Variants in VMP1 observed in about 807,000 individuals in gnomAD.
The protein encoded by VMP1 is vacuole membrane protein 1.
In VMP1, 11 loss-of-function variants were observed where a neutral mutation model predicts 56.0. The ratio of observed to expected loss-of-function variants is 0.20; its 90% confidence interval spans 0.12 to 0.32. The LOEUF is 0.32. Among genes scored for constraint, VMP1 ranks in the 10% least tolerant of loss-of-function variants. The pLI is 1.00. For missense variants in VMP1, 296 were observed against 490.3 expected, an observed-to-expected ratio of 0.60 and a Z score of 3.74; for synonymous variants, 149 against 165.0, an observed-to-expected ratio of 0.90 and a Z score of 0.74.
At chr17:59,761,122 C>G (rs780909467) in intron 5 of VMP1, among the ~76,000 whole-genome samples, 2 of 151,890 alleles carry the variant, frequency 1.3e-5, no homozygotes, top group African/African-American at 4.8e-5. Flanking sequence ...AGGCTAGTCT[C>G]GAACTCCTGA....
At chr17:59,773,522 C>T (rs928039839) in intron 6 of VMP1, among the ~76,000 whole-genome samples, 5 of 152,012 alleles carry the variant, frequency 3.3e-5, no homozygotes, top group Admixed American at 3.3e-4. Context: ...GGTGCGTGCC[C>T]ACTGTGCCTG....
intron 1 of VMP1, 145 bp from the exon 2 acceptor site, chr17:59,731,276 G>T: frequency 2.5e-6 from 1 of 401,816 alleles, no homozygotes; most frequent in Non-Finnish European, 4.4e-6. Flanking sequence ...TTCAAATTTT[G>T]GTTATAAAAG....
intron 10 of VMP1, among the ~76,000 whole-genome samples, chr17:59,822,928 A>G (rs950835658): frequency 9.2e-5 from 14 of 152,140 alleles, no homozygotes; most frequent in African/African-American, 2.4e-4. Context: ...AAAAAAACGC[A>G]CTAACAAATT....
intron 7 of VMP1, among the ~76,000 whole-genome samples, chr17:59,782,929 G>A (rs1278028693): frequency 6.6e-6 from 1 of 152,132 alleles, no homozygotes; most frequent in Non-Finnish European, 1.5e-5. Flanking sequence ...GTGGCCGGGC[G>A]CGATGGCTCA....
chr17:59,727,426 G>T (rs906834368), intron 1 of VMP1, among the ~76,000 whole-genome samples: 1 of 152,150 alleles, frequency 6.6e-6, no homozygotes, highest in Non-Finnish European at 1.5e-5. Context: ...GAGCCATCAT[G>T]CCTGGCCCTG....
chr17:59,727,733 T>C (rs555796511), intron 1 of VMP1, among the ~76,000 whole-genome samples: 6 of 152,330 alleles, frequency 3.9e-5, no homozygotes, highest in Non-Finnish European at 8.8e-5. Flanking sequence ...TTTTGTACGT[T>C]TATTACCTCC....
At chr17:59,773,632 C>G (rs1441432888) in intron 6 of VMP1, 122 bp from the exon 7 acceptor site, 8 of 951,004 alleles carry the variant, frequency 8.4e-6, no homozygotes, top group Non-Finnish European at 1.2e-5. Flanking sequence ...GTAGCATATG[C>G]TTTCCCCCAA....
At chr17:59,826,115 G>A (rs888436208) in intron 10 of VMP1, among the ~76,000 whole-genome samples, 7 of 152,222 alleles carry the variant, frequency 4.6e-5, no homozygotes, top group African/African-American at 1.7e-4. Context: ...CCCAGCTGCC[G>A]AGACTCAGTT....
At chr17:59,813,000 A>G (rs2038104900) in intron 9 of VMP1, among the ~76,000 whole-genome samples, 1 of 152,178 alleles carries the variant, frequency 6.6e-6, no homozygotes, top group Non-Finnish European at 1.5e-5. Flanking sequence ...AAGTGTGTCT[A>G]TCCCCAAAGT....
intron 5 of VMP1, among the ~76,000 whole-genome samples, chr17:59,760,502 GTTTTAT>G (rs1253370405): frequency 6.6e-6 from 1 of 151,904 alleles, no homozygotes; most frequent in Non-Finnish European, 1.5e-5. Context: ...CCCTGTAGAT[GTTTTAT>G]TTTTATCTAC....
chr17:59,743,137 A>G (rs765849736), intron 5 of VMP1, among the ~76,000 whole-genome samples: 16 of 152,046 alleles, frequency 1.1e-4, no homozygotes, highest in African/African-American at 1.9e-4. Context: ...TATGGGATCT[A>G]CTCTGTGTTA....
intron 2 of VMP1, among the ~76,000 whole-genome samples, chr17:59,733,607 C>A (rs1330010235): frequency 6.6e-6 from 1 of 151,990 alleles, no homozygotes. Context: ...GAAGCTCAGG[C>A]AGGAGAACCG....
At chr17:59,715,072 T>G (rs2143709633) in intron 1 of VMP1, among the ~76,000 whole-genome samples, 1 of 152,360 alleles carries the variant, frequency 6.6e-6, no homozygotes, top group Admixed American at 6.5e-5. Context: ...TTATAGTAAT[T>G]GTTGACATCA....
intron 1 of VMP1, among the ~76,000 whole-genome samples, chr17:59,716,874 A>G (rs563146568): frequency 1.1e-4 from 16 of 152,334 alleles, no homozygotes; most frequent in African/African-American, 3.4e-4. Context: ...CAGGCATGTG[A>G]AGTGACAATG....
At chr17:59,761,901 G>A (rs180724558) in intron 5 of VMP1, among the ~76,000 whole-genome samples, 70 of 152,128 alleles carry the variant, frequency 4.6e-4, no homozygotes, top group African/African-American at 1.5e-3. Context: ...TCCTGAACTC[G>A]TGAACCCCAA....
chr17:59,765,261 A>G (rs567856872), intron 6 of VMP1, 123 bp downstream of exon 6: 4 of 1,156,582 alleles, frequency 3.5e-6, no homozygotes, highest in Non-Finnish European at 3.6e-6. Context: ...GTAACCAGCT[A>G]CCTACTTCCA....
At position 59,841,283 on chromosome 17, in the gene VMP1, G is replaced by A. The variant is rs779350466; in HGVS notation, c.*1372G>A. ...TACCACCTTGTCGGGTAGCTTATCA[G>A]ACTGATGTTGACTGTTGAATCTCAT... On this transcript the variant is annotated 3_prime_UTR_variant, in exon 12 of 12. Coordinates refer to ENST00000262291, the MANE Select transcript of VMP1 (RefSeq NM_030938.5). 2.0e-6 allele frequency: 1 copy of A among 509,800 alleles called. No homozygotes were observed. The highest frequency in any genetic ancestry group is 4.2e-6 in the Non-Finnish European group (1 of 240,698). 31.6% of individuals were successfully genotyped at this position (509,800 alleles called of 1,614,324 possible). A position where few individuals can be genotyped will look rare whatever the true frequency, so the allele number is the denominator to read the frequency against.
chr17:59,720,501 G>C (rs2034348767), intron 1 of VMP1, among the ~76,000 whole-genome samples: 2 of 152,144 alleles, frequency 1.3e-5, no homozygotes, highest in African/African-American at 4.8e-5. Context: ...AATATGGAAA[G>C]GAAGTACCTG....
chr17:59,781,788 T>A (rs1457737945), intron 7 of VMP1, among the ~76,000 whole-genome samples: 8 of 152,208 alleles, frequency 5.3e-5, no homozygotes, highest in Non-Finnish European at 1.5e-5. Context: ...ATATCTTTTT[T>A]ATGATATATT....
Sources: allele counts gnomAD v4.1 joint callset (sites outside exome capture counted in the v4.1 genomes callset), GRCh38; gene constraint gnomAD v4.1.1; transcripts MANE v1.5; gene names NCBI Gene and HGNC (gene_info 2026-07-23, HGNC 2026-07-21).